DTX1: variants seen among roughly 807,000 people sequenced by gnomAD.
DTX1 encodes the protein deltex E3 ubiquitin ligase 1, also known as E3 ubiquitin-protein ligase DTX1.
In DTX1, 26 loss-of-function variants were observed where a neutral mutation model predicts 57.8. That is an observed-to-expected ratio of 0.45 (90% CI 0.33 to 0.62). The LOEUF (loss-of-function observed/expected upper bound fraction) is 0.62, where lower values mean the gene tolerates loss of function less well. DTX1 is among the 20% of genes least tolerant of loss of function. DTX1 has a pLI of 0.02. For synonymous variants in DTX1, 398 were observed against 394.1 expected, an observed-to-expected ratio of 1.01 and a Z score of -0.12; for missense variants, 704 against 895.3, an observed-to-expected ratio of 0.79 and a Z score of 2.73.
In DTX1 at chr12:113,077,659, G is replaced by A. The variant is rs1185147040; in HGVS notation, c.495G>A (p.Arg165=). 19 of 1,585,566 alleles carry A rather than the reference G, an allele frequency of 1.2e-5. No homozygotes were observed. Among genetic ancestry groups the A allele is most frequent in the Non-Finnish European group, 1.6e-5 (19 of 1,169,340 alleles). ...SMSQMNRQTR[R]RRRLRRRLDL... ...CGCAGATGAACCGCCAGACGCGCCG[G>A]CGCCGCCGCCTGCGCCGCCGCCTGG... Residue 165 remains arginine (R), a synonymous_variant, in exon 3 of 10, where the codon CGG becomes CGA. Transcript: ENST00000548759. This position sits in a 1 kb window ranked among gnomAD's most constrained non-coding sequence, Gnocchi z 7.8.
rs772900345 is a variant in DTX1 at position 113,095,147 on chromosome 12, G to A, written c.1492G>A (p.Gly498Ser). 18 of 1,613,340 alleles carry A rather than the reference G, an allele frequency of 1.1e-5. No individual in the cohort carries two copies. Among genetic ancestry groups the A allele is most frequent in the East Asian group, 4.5e-5 (2 of 44,882 alleles). ...CCACCTCATCCCCCACTCGCTGCCC[G>A]GCTTCCCTGATACCCAGACCATCCG... ...EFHLIPHSLP[G>S]FPDTQTIRIV... Residue 498 changes from glycine to serine, a missense_variant, in exon 8 of 10, where the codon GGC becomes AGC. Coordinates refer to ENST00000548759, the MANE Select transcript of DTX1 (RefSeq NM_004416.3).
At chr12:113,060,069 A>G (rs1189385240) in intron 2 of DTX1, among the ~76,000 whole-genome samples, 2 of 152,102 alleles carry the variant, frequency 1.3e-5, no homozygotes, top group Non-Finnish European at 2.9e-5. Flanking sequence ...ATTGCTAGGT[A>G]CCCACAGAGT....
chr12:113,070,869 A>G (rs539036291), intron 2 of DTX1, among the ~76,000 whole-genome samples: 15 of 152,172 alleles, frequency 9.9e-5, no homozygotes, highest in Non-Finnish European at 2.2e-4. Flanking sequence ...TCCGGGCCTC[A>G]GTTTCCTCAT....
At chr12:113,094,240 G>C (rs1465169163) in intron 6 of DTX1, 141 bp downstream of exon 6, 1 of 699,802 alleles carries the variant, frequency 1.4e-6, no homozygotes, top group Admixed American at 3.2e-5. Context: ...TTGATGAATA[G>C]AAATACTTAC....
chr12:113,093,237 C>T lies in DTX1; in HGVS notation c.1003+14C>T. 6.3e-7 allele frequency: 1 copy of T among 1,586,676 alleles called. No homozygotes were observed. Among genetic ancestry groups the T allele is most frequent in the Non-Finnish European group, 8.6e-7 (1 of 1,166,674 alleles). ...CGGCCCTGGCAGGTGAGGTCTGGCC[C>T]AGGGCGGGAAAGAAGGGCGGGGCCC... On this transcript the variant is annotated intron_variant, in intron 4 of 9. Coordinates refer to ENST00000548759, the MANE Select transcript of DTX1 (RefSeq NM_004416.3). This position sits in a 1 kb window ranked among gnomAD's most constrained non-coding sequence, Gnocchi z 4.2.
chr12:113,094,084 A>G lies in DTX1; in HGVS notation c.1212A>G (p.Lys404=), dbSNP rs1209247627. The part of the protein sequence containing the change: ...DVVRRYMQKV[K]NPPDEDCTIC... ...TTCGAAGATACATGCAGAAGGTGAA[A>G]AACCCACCTGATGAGGTGAGGAGGG... Residue 404 remains lysine, a synonymous_variant, in exon 6 of 10, where the codon AAA becomes AAG. Coordinates refer to ENST00000548759, the MANE Select transcript of DTX1 (RefSeq NM_004416.3). The G allele has an allele frequency of 4.5e-6, 7 of 1,567,524 alleles. No homozygotes were observed. In the Admixed American group the frequency reaches 1.3e-4, roughly 30 times the overall value.
In DTX1 at chr12:113,096,999, G is replaced by T; in HGVS notation, c.*60G>T. ...CCCTGGTCCGGCAAATGCCTCCTTC[G>T]CCAGGTGTGTCCTGGTAGCCCAGGT... On this transcript the variant is annotated 3_prime_UTR_variant, in exon 10 of 10. Coordinates refer to ENST00000548759, the MANE Select transcript of DTX1 (RefSeq NM_004416.3). The T allele has an allele frequency of 6.6e-7, 1 of 1,513,188 alleles. No homozygotes were observed. Among genetic ancestry groups the T allele is most frequent in the Non-Finnish European group, 8.9e-7 (1 of 1,128,184 alleles). The allele number at this position is 1,513,188 out of a possible 1,614,324, so 93.7% of individuals were successfully genotyped here. A position where few individuals can be genotyped will look rare whatever the true frequency, so the allele number is the denominator to read the frequency against.
chr12:113,064,018 G>T, intron 2 of DTX1, among the ~76,000 whole-genome samples: 1 of 152,190 alleles, frequency 6.6e-6, no homozygotes, highest in East Asian at 1.9e-4. Flanking sequence ...AGGGCTGAGA[G>T]AACCCCTTCC....
chr12:113,087,466 G>C (rs930545486), intron 3 of DTX1, among the ~76,000 whole-genome samples: 2 of 152,058 alleles, frequency 1.3e-5, no homozygotes, highest in African/African-American at 2.4e-5. Context: ...GCAGGGACTT[G>C]GCCCCAGGCT....
At position 113,097,355 on chromosome 12, in the gene DTX1, A is replaced by G. The variant is rs76690357; in HGVS notation, c.*416A>G. On this transcript the variant is annotated 3_prime_UTR_variant, in exon 10 of 10. Coordinates refer to ENST00000548759, the MANE Select transcript of DTX1 (RefSeq NM_004416.3). ...GTTGCATCTGTACAGCCTTGTCTGC[A>G]AACTGGAGGATGCGGGGCAAGCCCT... The G allele has an allele frequency of 6.2e-6, 1 of 160,510 alleles. No homozygotes were observed. Among genetic ancestry groups the G allele is most frequent in the Non-Finnish European group, 1.4e-5 (1 of 73,838 alleles). 9.9% of individuals were successfully genotyped at this position (160,510 alleles called of 1,614,324 possible).
intron 3 of DTX1, among the ~76,000 whole-genome samples, chr12:113,090,283 A>G (rs1417190587): frequency 1.3e-5 from 2 of 152,152 alleles, no homozygotes; most frequent in African/African-American, 2.4e-5. Flanking sequence ...ATGCATTCCT[A>G]TAAAAGTATA....
rs180994281 is a variant in DTX1 at position 113,076,266 on chromosome 12, C to T, written c.260-1158C>T. Among the ~76,000 whole-genome samples, 90 of 152,102 alleles carry T rather than the reference C, an allele frequency of 5.9e-4. 2 individuals carry two copies. The highest frequency in any genetic ancestry group is 2.0e-3 in the African/African-American group (84 of 41,470). On this transcript the variant is annotated intron_variant, in intron 2 of 9. Transcript: ENST00000548759. ...CTGAGGTCAGGAGTTCGAGACCAGCCTGGCCAACATGGCAAAACCCCATCT... is the reference window on the plus strand; with the variant it reads ...CTGAGGTCAGGAGTTCGAGACCAGCTTGGCCAACATGGCAAAACCCCATCT...
chr12:113,058,529 G>A, intron 2 of DTX1, 78 bp downstream of exon 2: 1 of 1,526,530 alleles, frequency 6.6e-7, no homozygotes, highest in Admixed American at 1.9e-5. Context: ...GAAAATCCCA[G>A]TAAATCTGCT....
chr12:113,090,771 G>C (rs1950241868), intron 3 of DTX1, among the ~76,000 whole-genome samples: 1 of 152,234 alleles, frequency 6.6e-6, no homozygotes. Context: ...GCCACCAAGT[G>C]GGTGTGTGTG....
At chr12:113,066,868 C>T (rs754568004) in intron 2 of DTX1, among the ~76,000 whole-genome samples, 8 of 152,082 alleles carry the variant, frequency 5.3e-5, no homozygotes, top group Non-Finnish European at 1.2e-4. Context: ...GGACTGTCCC[C>T]TACCTTGGAG....
rs776517949 is a variant in DTX1, at chr12:113,058,459, G to C, written c.259+8G>C. ...AGTTTCGCCAGGACACAGGTGAGCA[G>C]ACACCCACCCCATGCCACCCGCCCC... On this transcript the variant is annotated splice_region_variant and intron_variant, in intron 2 of 9. Transcript: ENST00000548759. 6.3e-7 allele frequency: 1 copy of C among 1,588,758 alleles called. No homozygotes were observed.
In DTX1 at chr12:113,077,770, C is replaced by G; in HGVS notation, c.606C>G (p.Cys202Trp). Residue 202 changes from cysteine (C) to tryptophan (W), a missense_variant, in exon 3 of 10, where the codon TGC becomes TGG. Transcript: ENST00000548759. The surrounding 1 kb of genome is among the most constrained non-coding windows in gnomAD (Gnocchi z 7.8). ...VGASSGQPCS[C>W]QQCLLVNSTR... ...CCAGCTCGGGCCAGCCCTGCTCCTG[C>G]CAGCAGTGCCTGCTGGTCAACAGCA... 1 of 1,524,012 alleles carries G rather than the reference C, an allele frequency of 6.6e-7. No homozygotes were observed. The highest frequency in any genetic ancestry group is 8.8e-7 in the Non-Finnish European group (1 of 1,141,960). The allele number at this position is 1,524,012 out of a possible 1,614,324, so 94.4% of individuals were successfully genotyped here.
chr12:113,090,837 TC>T (rs1485724027), intron 3 of DTX1, among the ~76,000 whole-genome samples: 1 of 152,202 alleles, frequency 6.6e-6, no homozygotes. Flanking sequence ...GGTGTGGGCC[TC>T]CCAGGCTGAG....
intron 3 of DTX1, among the ~76,000 whole-genome samples, chr12:113,079,055 T>A (rs2044796074): frequency 6.6e-6 from 1 of 152,058 alleles, no homozygotes; most frequent in South Asian, 2.1e-4. Flanking sequence ...GTTTGCAAAT[T>A]CTTGGGTTAA....
Sources: allele counts gnomAD v4.1 joint callset (sites outside exome capture counted in the v4.1 genomes callset), GRCh38; gene constraint gnomAD v4.1.1; non-coding constraint Gnocchi (gnomAD v3.1); transcripts MANE v1.5; gene names NCBI Gene and HGNC (gene_info 2026-07-23, HGNC 2026-07-21).